COL11A1: variants seen among roughly 807,000 people sequenced by gnomAD.
COL11A1 encodes the protein collagen type XI alpha 1 chain.
A neutral mutation model predicts 265.2 loss-of-function variants in COL11A1; 74 were observed. That is an observed-to-expected ratio of 0.28 (90% CI 0.23 to 0.34). The LOEUF (loss-of-function observed/expected upper bound fraction) is 0.34, where lower values mean the gene tolerates loss of function less well. COL11A1 is among the 10% of genes least tolerant of loss of function. COL11A1 has a pLI of 1.00. For synonymous variants in COL11A1, 816 were observed against 727.6 expected, an observed-to-expected ratio of 1.12 and a Z score of -1.96; for missense variants, 2,165 against 2,263.6, an observed-to-expected ratio of 0.96 and a Z score of 0.88.
chr1:103,088,008 A>G (rs1571253286), intron 1 of COL11A1, among the ~76,000 whole-genome samples: 1 of 152,282 alleles, frequency 6.6e-6, no homozygotes, highest in East Asian at 1.9e-4. Context: ...TTTTTATTGT[A>G]GTCTATTGAC....
intron 44 of COL11A1, 97 bp from the exon 45 acceptor site, chr1:102,935,210 T>A (rs1658021480): frequency 1.1e-6 from 1 of 903,368 alleles, no homozygotes. Flanking sequence ...CAAACACTTC[T>A]GCACTCCTTT....
Position 102,885,665 on chromosome 1 carries a change from C to A in COL11A1, c.4858+1142G>T, listed in dbSNP as rs1321077356. On this transcript the variant is annotated intron_variant, in intron 63 of 66. Transcript: ENST00000370096. ...TAAAAAAAATCATCTAAGATTTTAC[C>A]AAGTAGAGATAACCACTGTAAACCT... Among the ~76,000 whole-genome samples, 9 of 151,846 alleles carry A rather than the reference C, an allele frequency of 5.9e-5. No individual in the cohort carries two copies. The East Asian group carries it at 1.7e-3, about 29-fold the overall frequency.
intron 35 of COL11A1, among the ~76,000 whole-genome samples, chr1:102,976,569 G>C (rs1340991140): frequency 6.6e-6 from 1 of 151,936 alleles, no homozygotes; most frequent in Non-Finnish European, 1.5e-5. Context: ...AAAGTGCTGG[G>C]ATTACAGGTG....
chr1:102,998,122 G>A (rs189319775), intron 25 of COL11A1, among the ~76,000 whole-genome samples, 188 bp downstream of exon 25: 73 of 151,950 alleles, frequency 4.8e-4, no homozygotes, highest in South Asian at 1.7e-3. Context: ...AAAAGCCACC[G>A]TGAGCTCATT....
chr1:102,945,835 C>A (rs1210601256), intron 42 of COL11A1, among the ~76,000 whole-genome samples: 1 of 151,446 alleles, frequency 6.6e-6, no homozygotes, highest in African/African-American at 2.4e-5. Context: ...GAGTATATAC[C>A]CAAAGGACTA....
chr1:102,949,726 C>T (rs7543705), intron 41 of COL11A1, among the ~76,000 whole-genome samples: 82,764 of 151,930 alleles, frequency 0.54, 23,324 homozygotes, highest in East Asian at 0.86. Context: ...TTTTCTACAA[C>T]GCTTAGCAGT....
chr1:102,988,180 AC>A (rs2101741816), intron 29 of COL11A1, among the ~76,000 whole-genome samples: 1 of 152,056 alleles, frequency 6.6e-6, no homozygotes, highest in Non-Finnish European at 1.5e-5. Context: ...CAACCAGCTG[AC>A]TCCACTCAGA....
intron 42 of COL11A1, among the ~76,000 whole-genome samples, chr1:102,946,308 C>T (rs1332460951): frequency 1.7e-5 from 2 of 115,612 alleles, no homozygotes; most frequent in South Asian, 7.8e-4. Flanking sequence ...GGACATGTAC[C>T]CTAAAACTTA....
chr1:103,077,454 CA>C, intron 3 of COL11A1, among the ~76,000 whole-genome samples: 1 of 151,166 alleles, frequency 6.6e-6, no homozygotes, highest in East Asian at 2.0e-4. Context: ...TGCTAACAGT[CA>C]AAAAAAGAAA....
At chr1:102,905,261 A>C (rs1376066155) in intron 54 of COL11A1, among the ~76,000 whole-genome samples, 5 of 149,770 alleles carry the variant, frequency 3.3e-5, no homozygotes, top group Non-Finnish European at 3.0e-5. Context: ...ATTAGGAGAT[A>C]TACCTAATGC....
chr1:102,961,099 A>C (rs1443579895), intron 41 of COL11A1, among the ~76,000 whole-genome samples: 1 of 152,170 alleles, frequency 6.6e-6, no homozygotes, highest in African/African-American at 2.4e-5. Flanking sequence ...GGCAACTTTC[A>C]GCTTTTTAGA....
At chr1:103,013,853 C>A (rs527708484) in intron 13 of COL11A1, among the ~76,000 whole-genome samples, 14 of 151,836 alleles carry the variant, frequency 9.2e-5, no homozygotes, top group Admixed American at 3.3e-4. Flanking sequence ...CATTTCCTTC[C>A]TGGTCTATCC....
chr1:103,036,233 G>T (rs1364533402), intron 4 of COL11A1, among the ~76,000 whole-genome samples: 1 of 149,910 alleles, frequency 6.7e-6, no homozygotes, highest in South Asian at 2.1e-4. Flanking sequence ...CCTTTCCAGG[G>T]ATAGAAATTC....
At chr1:102,912,271 A>G in intron 53 of COL11A1, 59 bp from the exon 54 acceptor site, 1 of 1,411,460 alleles carries the variant, frequency 7.1e-7, no homozygotes. Flanking sequence ...GGCCCACATA[A>G]ATTTTCAAAA....
rs905367472 is a variant in COL11A1, at chr1:102,974,975, A to G, written c.2755-92T>C. ...GGTTTATTTACATAGACAAAATACA[A>G]TGTATCATACAGCTTCTTCATCACA... On this transcript the variant is annotated intron_variant, in intron 35 of 66. Transcript: ENST00000370096. The G allele has an allele frequency of 1.1e-4, 98 of 909,026 alleles. 2 individuals are homozygous for G. In the Admixed American group the frequency reaches 1.8e-3, roughly 17 times the overall value. The allele number at this position is 909,026 out of a possible 1,614,324, so 56.3% of individuals were successfully genotyped here.
At chr1:103,037,228 T>C (rs1306917177) in intron 4 of COL11A1, among the ~76,000 whole-genome samples, 1 of 145,476 alleles carries the variant, frequency 6.9e-6, no homozygotes, top group Non-Finnish European at 1.5e-5. Flanking sequence ...GTCTATGAAA[T>C]ACACAAGTAA....
chr1:102,899,090 A>G, intron 54 of COL11A1, 96 bp from the exon 55 acceptor site: 1 of 608,712 alleles, frequency 1.6e-6, no homozygotes, highest in Non-Finnish European at 2.6e-6. Context: ...TTTGTAACAG[A>G]TGAATAAATT....
In COL11A1 at chr1:103,021,503, T is replaced by C. The variant is rs143202727; in HGVS notation, c.1308+204A>G. Among the ~76,000 whole-genome samples, 50 of 152,330 alleles carry C rather than the reference T, an allele frequency of 3.3e-4. No homozygotes were observed. The East Asian group carries it at 8.9e-3, about 27-fold the overall frequency. On this transcript the variant is annotated intron_variant, in intron 9 of 66. Transcript: ENST00000370096. ...ATTTCAGCTACTTTCAAATTCTGAATTTCTGCAGCTCTATAATGTTTTGTT... is the reference window on the plus strand; with the variant it reads ...ATTTCAGCTACTTTCAAATTCTGAACTTCTGCAGCTCTATAATGTTTTGTT...
chr1:102,877,979 G>A lies in COL11A1; in HGVS notation c.*40C>T, dbSNP rs766361433. The A allele has an allele frequency of 2.7e-5, 43 of 1,608,796 alleles. No individual in the cohort carries two copies. The highest frequency in any genetic ancestry group is 8.5e-7 in the Non-Finnish European group (1 of 1,175,990). On this transcript the variant is annotated 3_prime_UTR_variant, in exon 67 of 67. Coordinates refer to ENST00000370096, the MANE Select transcript of COL11A1 (RefSeq NM_001854.4). ...CACAAAATGGGTTGGTGGCACCAAG[G>A]TATATTTTCTGTTGATTTGATATGT...
Sources: allele counts gnomAD v4.1 joint callset (sites outside exome capture counted in the v4.1 genomes callset), GRCh38; gene constraint gnomAD v4.1.1; transcripts MANE v1.5; gene names NCBI Gene and HGNC (gene_info 2026-07-23, HGNC 2026-07-21).